HHAT: variants seen among roughly 807,000 people sequenced by gnomAD.
HHAT encodes the protein protein-cysteine N-palmitoyltransferase HHAT.
Under a neutral mutation model 70.8 loss-of-function variants are expected in HHAT, and 47 were observed. The observed-to-expected ratio is 0.66, with a 90% CI of 0.53 to 0.85. The LOEUF (loss-of-function observed/expected upper bound fraction) is 0.85. Among genes scored for constraint, HHAT ranks in the 40% least tolerant of loss-of-function variants. HHAT has a pLI of 0.00. For missense variants in HHAT, 609 were observed against 604.8 expected (o/e 1.01, Z -0.07); for synonymous variants, 228 against 247.6 (o/e 0.92, Z 0.74).
intron 9 of HHAT, among the ~76,000 whole-genome samples, chr1:210,575,243 C>T (rs995858847): frequency 7.2e-5 from 11 of 152,098 alleles, no homozygotes; most frequent in African/African-American, 1.4e-4. Context: ...CCCCCTACCC[C>T]GCCCCCACCT....
At chr1:210,621,244 G>A (rs769326699) in intron 10 of HHAT, among the ~76,000 whole-genome samples, 8 of 152,028 alleles carry the variant, frequency 5.3e-5, no homozygotes, top group Non-Finnish European at 8.8e-5. Context: ...GTGCACTCTC[G>A]GTAGTTGACG....
chr1:210,459,638 A>G (rs1338862134), intron 7 of HHAT, among the ~76,000 whole-genome samples: 1 of 152,166 alleles, frequency 6.6e-6, no homozygotes, highest in Non-Finnish European at 1.5e-5. Context: ...GTTTTTGCTC[A>G]AATGTTCTCA....
At chr1:210,651,507 G>A (rs1052507066) in intron 11 of HHAT, among the ~76,000 whole-genome samples, 1 of 152,158 alleles carries the variant, frequency 6.6e-6, no homozygotes, top group Non-Finnish European at 1.5e-5. Context: ...CCTGGCAGCT[G>A]TGCTTAGGCC....
intron 8 of HHAT, among the ~76,000 whole-genome samples, chr1:210,486,052 T>A (rs2094468434): frequency 6.6e-6 from 1 of 152,204 alleles, no homozygotes; most frequent in Non-Finnish European, 1.5e-5. Context: ...AGGCAGGAAT[T>A]ATACGTGCTT....
intron 9 of HHAT, among the ~76,000 whole-genome samples, chr1:210,548,641 A>G (rs1405815900): frequency 6.6e-6 from 1 of 152,168 alleles, no homozygotes; most frequent in East Asian, 1.9e-4. Context: ...TAGTTACCTA[A>G]TTATTTGATT....
At chr1:210,519,818 A>G (rs1183567238) in intron 9 of HHAT, among the ~76,000 whole-genome samples, 2 of 140,622 alleles carry the variant, frequency 1.4e-5, no homozygotes, top group East Asian at 2.1e-4. Flanking sequence ...GTGAGCCACC[A>G]CACTTGGCTT....
chr1:210,666,197 G>A (rs1406424233), intron 11 of HHAT, among the ~76,000 whole-genome samples: 1 of 152,144 alleles, frequency 6.6e-6, no homozygotes, highest in Non-Finnish European at 1.5e-5. Flanking sequence ...CCTCTGATGG[G>A]GTAATTGATA....
chr1:210,450,909 C>T (rs984430897), intron 7 of HHAT, among the ~76,000 whole-genome samples: 27 of 151,630 alleles, frequency 1.8e-4, no homozygotes, highest in African/African-American at 3.6e-4. Flanking sequence ...GGTGAAACCC[C>T]GTCTCTACTA....
At position 210,562,876 on chromosome 1, in the gene HHAT, A is replaced by T. The variant is rs192925162; in HGVS notation, c.1044-25022A>T. Among the ~76,000 whole-genome samples, 4 of 136,892 alleles carry T rather than the reference A, an allele frequency of 2.9e-5. No homozygotes were observed. In the Admixed American group the frequency reaches 3.4e-4, roughly 12 times the overall value. The allele number at this position is 136,892 out of a possible 152,430, so 89.8% of individuals were successfully genotyped here. ...TGTGTCCATGTGTTCTCATTGTTCA[A>T]TTCCCACCTATGAGTGAGAACATGC... On this transcript the variant is annotated intron_variant, in intron 9 of 11. Coordinates refer to ENST00000261458, the MANE Select transcript of HHAT (RefSeq NM_018194.6).
intron 9 of HHAT, among the ~76,000 whole-genome samples, chr1:210,540,738 G>A (rs967701026): frequency 4.6e-5 from 7 of 151,820 alleles, no homozygotes; most frequent in Non-Finnish European, 8.8e-5. Context: ...AGAACTCCTG[G>A]GCTCAAGTTA....
intron 8 of HHAT, among the ~76,000 whole-genome samples, chr1:210,472,386 G>T (rs767235685): frequency 6.6e-6 from 1 of 152,162 alleles, no homozygotes; most frequent in African/African-American, 2.4e-5. Context: ...GTGGAGCTGC[G>T]ATTTGAATCC....
At chr1:210,330,598 C>T (rs1473384468) in intron 1 of HHAT, among the ~76,000 whole-genome samples, 3 of 152,090 alleles carry the variant, frequency 2.0e-5, no homozygotes, top group African/African-American at 7.2e-5. Context: ...TGTGGGTGGC[C>T]AGATGTTGGT....
At chr1:210,643,561 C>T (rs1433610972) in intron 11 of HHAT, among the ~76,000 whole-genome samples, 3 of 152,188 alleles carry the variant, frequency 2.0e-5, no homozygotes, top group East Asian at 1.9e-4. Context: ...TTTTGTAAGG[C>T]ATCATGGTAA....
intron 7 of HHAT, among the ~76,000 whole-genome samples, chr1:210,451,328 T>C (rs1422632567): frequency 6.6e-6 from 1 of 152,186 alleles, no homozygotes; most frequent in East Asian, 1.9e-4. Flanking sequence ...TGGCATAAGA[T>C]TTCTCTTTGA....
chr1:210,538,626 T>TAG (rs2095398578), intron 9 of HHAT, among the ~76,000 whole-genome samples: 3 of 152,198 alleles, frequency 2.0e-5, no homozygotes, highest in Non-Finnish European at 2.9e-5. Context: ...GATTGTCTTC[T>TAG]ACATTGTAGA....
chr1:210,558,795 G>T (rs1181656761), intron 9 of HHAT, among the ~76,000 whole-genome samples: 1 of 152,154 alleles, frequency 6.6e-6, no homozygotes, highest in Non-Finnish European at 1.5e-5. Flanking sequence ...TTGAGGCCAG[G>T]CATGCATGGG....
chr1:210,493,106 A>G (rs544130685), intron 8 of HHAT, among the ~76,000 whole-genome samples: 111 of 152,152 alleles, frequency 7.3e-4, no homozygotes, highest in African/African-American at 2.4e-3. Flanking sequence ...TTTCCTTTAT[A>G]ACACCCTACA....
At chr1:210,541,633 A>G (rs1048373609) in intron 9 of HHAT, among the ~76,000 whole-genome samples, 2 of 152,230 alleles carry the variant, frequency 1.3e-5, no homozygotes, top group African/African-American at 4.8e-5. Context: ...AGGGTAAGGC[A>G]GGAGAATCAC....
intron 8 of HHAT, among the ~76,000 whole-genome samples, chr1:210,490,001 T>G (rs1017530941): frequency 8.5e-5 from 13 of 152,146 alleles, no homozygotes; most frequent in African/African-American, 2.9e-4. Context: ...TATTAACTGC[T>G]GAGATATAGA....
Sources: allele counts gnomAD v4.1 joint callset (sites outside exome capture counted in the v4.1 genomes callset), GRCh38; gene constraint gnomAD v4.1.1; transcripts MANE v1.5; gene names NCBI Gene and HGNC (gene_info 2026-07-23, HGNC 2026-07-21).